The following SBF2 variants were observed in gnomAD, a reference collection of about 807,000 sequenced individuals.
SBF2 encodes SET binding factor 2, also known as myotubularin-related protein 13.
SBF2 carries 112 observed loss-of-function variants against 225.2 expected under a neutral mutation model. The observed-to-expected ratio is 0.50, with a 90% CI of 0.43 to 0.58. SBF2 has a LOEUF of 0.58. Among genes scored for constraint, SBF2 ranks in the 20% least tolerant of loss-of-function variants. SBF2 has a pLI of 0.00. For missense variants in SBF2, 1,996 were observed against 2,206.2 expected, an observed-to-expected ratio of 0.90 and a Z score of 1.91; for synonymous variants, 763 against 773.3, an observed-to-expected ratio of 0.99 and a Z score of 0.22.
At chr11:10,075,222 C>A (rs964587439) in intron 2 of SBF2, among the ~76,000 whole-genome samples, 1 of 152,172 alleles carries the variant, frequency 6.6e-6, no homozygotes, top group Admixed American at 6.5e-5. Flanking sequence ...CTCTAAACCT[C>A]AGTTTTCCTT....
chr11:10,298,620 T>C (rs1591385782), upstream of SBF2, among the ~76,000 whole-genome samples: 1 of 152,226 alleles, frequency 6.6e-6, no homozygotes, highest in Non-Finnish European at 1.5e-5. Flanking sequence ...AGATCGTCTC[T>C]ACCAAAGCAT....
chr11:10,266,623 G>A lies in SBF2; in HGVS notation c.55+27392C>T, dbSNP rs577228063. Among the ~76,000 whole-genome samples, 47 of 152,300 alleles carry A rather than the reference G, an allele frequency of 3.1e-4. 1 individual carries two copies. In the South Asian group the frequency reaches 9.1e-3, roughly 30 times the overall value. ...TAGCTAGAGAAGAATTTAACTGAAA[G>A]CAAGGAAATAAAGAGATGTCTACAC... On this transcript the variant is annotated intron_variant, in intron 1 of 39. Coordinates refer to ENST00000256190, the MANE Select transcript of SBF2 (RefSeq NM_030962.4).
chr11:10,174,134 A>G (rs1490176676), intron 2 of SBF2, among the ~76,000 whole-genome samples: 2 of 152,088 alleles, frequency 1.3e-5, no homozygotes, highest in Non-Finnish European at 2.9e-5. Flanking sequence ...ACAGTTCCTC[A>G]CCAGCAACGG....
intron 35 of SBF2, among the ~76,000 whole-genome samples, chr11:9,788,505 G>A (rs1167746111): frequency 3.9e-5 from 6 of 152,240 alleles, no homozygotes; most frequent in Non-Finnish European, 5.9e-5. Context: ...AAGGCTGCTC[G>A]GGCAACTAAA....
At chr11:10,012,784 CT>C (rs896216628) in intron 6 of SBF2, among the ~76,000 whole-genome samples, 14 of 149,022 alleles carry the variant, frequency 9.4e-5, no homozygotes, top group South Asian at 6.4e-4. Flanking sequence ...TTCCTGAAAG[CT>C]TTTTTTTTTC....
chr11:10,130,675 C>A (rs960336145), intron 2 of SBF2, among the ~76,000 whole-genome samples: 1 of 152,282 alleles, frequency 6.6e-6, no homozygotes, highest in Admixed American at 6.5e-5. Context: ...TCATGCTACA[C>A]TTTTATAGTT....
At chr11:9,783,307 G>A (rs922566570) in intron 38 of SBF2, among the ~76,000 whole-genome samples, 12 of 152,114 alleles carry the variant, frequency 7.9e-5, no homozygotes, top group Non-Finnish European at 1.5e-4. Flanking sequence ...CTCTGTAATC[G>A]TTATGAAACT....
intron 13 of SBF2, among the ~76,000 whole-genome samples, chr11:9,981,123 T>C (rs116933858): frequency 0.024 from 3,599 of 152,342 alleles, 79 homozygotes; most frequent in Middle Eastern, 0.054. Context: ...CACTGACTAA[T>C]AATCCAGTGT....
chr11:10,073,740 A>C (rs901196835), intron 2 of SBF2, among the ~76,000 whole-genome samples: 3 of 152,170 alleles, frequency 2.0e-5, no homozygotes, highest in Non-Finnish European at 2.9e-5. Context: ...AACAAAAAAA[A>C]AGATTTAGGA....
intron 6 of SBF2, among the ~76,000 whole-genome samples, chr11:10,018,205 T>C (rs938519955): frequency 3.9e-5 from 6 of 152,164 alleles, no homozygotes; most frequent in Non-Finnish European, 8.8e-5. Flanking sequence ...TATTACATTA[T>C]TACTGAACTA....
chr11:10,134,857 TG>T (rs1292405028), intron 2 of SBF2, among the ~76,000 whole-genome samples: 1 of 152,196 alleles, frequency 6.6e-6, no homozygotes, highest in Non-Finnish European at 1.5e-5. Flanking sequence ...AAGCTGTCGG[TG>T]GATCTACCAT....
intron 16 of SBF2, among the ~76,000 whole-genome samples, chr11:9,952,087 CA>C (rs1865891975): frequency 6.6e-6 from 1 of 152,246 alleles, no homozygotes; most frequent in South Asian, 2.1e-4. Flanking sequence ...GCCTGGAAGG[CA>C]GGCTGCCAGA....
Position 9,794,676 on chromosome 11 carries a change from C to CAAAAAAAAAAAA in SBF2, c.4570+1143_4570+1154dup, listed in dbSNP as rs575749593. On this transcript the variant is annotated intron_variant, in intron 33 of 39. Coordinates refer to ENST00000256190, the MANE Select transcript of SBF2 (RefSeq NM_030962.4). Reference sequence around the variant, plus strand: ...TGATACAGTGAGTGGGACTCCGTCTCAAAAAAAAAAAAAAAAAAAAAAAAA... The same window carrying CAAAAAAAAAAAA: ...TGATACAGTGAGTGGGACTCCGTCTCAAAAAAAAAAAAAAAAAAAAAAAAAAAAAAAAAAAAA... Among the ~76,000 whole-genome samples the CAAAAAAAAAAAA allele has an allele frequency of 4.0e-3, 141 of 35,350 alleles. 44 individuals carry two copies. The highest frequency in any genetic ancestry group is 4.7e-3 in the Admixed American group (8 of 1,708). 23.2% of individuals were successfully genotyped at this position (35,350 alleles called of 152,430 possible).
In SBF2 at chr11:10,004,057, G is replaced by T. The variant is rs550559025; in HGVS notation, c.620-1368C>A. Among the ~76,000 whole-genome samples the T allele has an allele frequency of 9.9e-5, 15 of 152,052 alleles. 1 individual carries two copies. Among genetic ancestry groups the T allele is most frequent in the African/African-American group, 3.6e-4 (15 of 41,482 alleles). ...TTATCACTTCCAACTTATCCCATGTGATACATCAGAATTTTTAGTTCAGAT... is the reference window on the plus strand; with the variant it reads ...TTATCACTTCCAACTTATCCCATGTTATACATCAGAATTTTTAGTTCAGAT... On this transcript the variant is annotated intron_variant, in intron 6 of 39. Transcript: ENST00000256190.
chr11:10,014,667 A>C (rs1261546921), intron 6 of SBF2, among the ~76,000 whole-genome samples: 1 of 152,166 alleles, frequency 6.6e-6, no homozygotes, highest in Non-Finnish European at 1.5e-5. Flanking sequence ...TATTTGAATG[A>C]CAGTAGAGTT....
intron 28 of SBF2, among the ~76,000 whole-genome samples, chr11:9,823,476 G>C (rs1854889830): frequency 6.6e-6 from 1 of 151,398 alleles, no homozygotes; most frequent in African/African-American, 2.4e-5. Context: ...AAAGAAAAAG[G>C]CTAGGAAGAA....
intron 1 of SBF2, among the ~76,000 whole-genome samples, chr11:10,274,607 TG>T (rs1260274065): frequency 6.6e-6 from 1 of 151,928 alleles, no homozygotes; most frequent in African/African-American, 2.4e-5. Context: ...AAAAATGAGC[TG>T]GGAGTGGTGG....
intron 2 of SBF2, among the ~76,000 whole-genome samples, chr11:10,185,003 C>A (rs1348265492): frequency 2.0e-5 from 3 of 152,136 alleles, no homozygotes; most frequent in African/African-American, 7.2e-5. Context: ...AACATAGTGT[C>A]CCCAAGGTTC....
chr11:10,302,665 T>C (rs1964608692), intron 1 of SBF2: 1 of 152,206 alleles, frequency 6.6e-6, no homozygotes, highest in Admixed American at 6.5e-5. Flanking sequence ...CAAAGAGGAG[T>C]TTGAACCAAG....
Sources: allele counts gnomAD v4.1 joint callset (sites outside exome capture counted in the v4.1 genomes callset), GRCh38; gene constraint gnomAD v4.1.1; transcripts MANE v1.5; gene names NCBI Gene and HGNC (gene_info 2026-07-23, HGNC 2026-07-21).